Variants in CD3D observed in about 807,000 individuals in gnomAD.
The protein encoded by CD3D is CD3 delta subunit of T-cell receptor complex, also known as T-cell surface glycoprotein CD3 delta chain.
A neutral mutation model predicts 22.0 loss-of-function variants in CD3D; 22 were observed. That is an observed-to-expected ratio of 1.00 (90% CI 0.71 to 1.43). The LOEUF (loss-of-function observed/expected upper bound fraction) is 1.43, where lower values mean the gene tolerates loss of function less well. CD3D is among the 40% of genes most tolerant of loss of function. The pLI is 0.00. For missense variants in CD3D, 205 were observed against 211.7 expected (o/e 0.97, Z 0.20); for synonymous variants, 74 against 81.2 (o/e 0.91, Z 0.48).
chr11:118,341,482 T>C (rs1948299588), intron 1 of CD3D, among the ~76,000 whole-genome samples: 1 of 152,184 alleles, frequency 6.6e-6, no homozygotes, highest in South Asian at 2.1e-4. Flanking sequence ...AAGTCCCAAA[T>C]TTGGATACAA....
Position 118,340,658 on chromosome 11 carries a change from C to T in CD3D, c.56-65G>A, listed in dbSNP as rs779383299. On this transcript the variant is annotated intron_variant, in intron 1 of 4. Transcript: ENST00000300692. ...GATCTGCACCAAGCCCTTTGTTCTG[C>T]GGAAGCTCATACTTAACAGAGACCA... is the stretch of plus-strand genomic sequence containing the variant. The T allele has an allele frequency of 1.4e-4, 161 of 1,164,742 alleles. 1 individual carries two copies. Among genetic ancestry groups the T allele is most frequent in the Non-Finnish European group, 1.7e-4 (136 of 786,528 alleles). 72.2% of individuals were successfully genotyped at this position (1,164,742 alleles called of 1,614,324 possible).
chr11:118,339,280 G>A, intron 4 of CD3D, 53 bp from the exon 5 acceptor site: 3 of 1,567,708 alleles, frequency 1.9e-6, no homozygotes, highest in East Asian at 4.5e-5. Flanking sequence ...ACTCTTCAAG[G>A]AAGGGCCCCA....
rs1188035132 is a variant in CD3D at position 118,340,444 on chromosome 11, C to T, written c.205G>A (p.Gly69Arg). 1.2e-6 allele frequency: 2 copies of T among 1,614,068 alleles called. No individual in the cohort carries two copies. Among genetic ancestry groups the T allele is most frequent in the East Asian group, 2.2e-5 (1 of 44,874 alleles). Residue 69 changes from glycine to arginine, a missense_variant, in exon 2 of 5, where the codon GGA (glycine) becomes AGA (arginine). Transcript: ENST00000300692. ...DLGKRILDPRGIYRCNGTDIY... is the reference protein window; with the variant it reads ...DLGKRILDPRRIYRCNGTDIY... ...TCTGTCCCATTACACCTATATATTCCTCGTGGGTCCAGGATGCGTTTTCCC... is the reference window on the plus strand; with the variant it reads ...TCTGTCCCATTACACCTATATATTCTTCGTGGGTCCAGGATGCGTTTTCCC...
chr11:118,340,722 G>C (rs1948293024), intron 1 of CD3D, 129 bp from the exon 2 acceptor site: 1 of 747,004 alleles, frequency 1.3e-6, no homozygotes, highest in Non-Finnish European at 2.4e-6. Flanking sequence ...TCCATCAAGA[G>C]AGACAGAAGT....
chr11:118,340,387 C>G lies in CD3D; in HGVS notation c.262G>C (p.Val88Leu). 6.2e-7 allele frequency: 1 copy of G among 1,613,752 alleles called. No individual in the cohort carries two copies. Among genetic ancestry groups the G allele is most frequent in the African/African-American group, 1.3e-5 (1 of 75,034 alleles). ...AGGAAGCACGTACTTCGATAATGAA[C>G]TTGCACGGTAGATTCTTTGTCCTTG... ...IYKDKESTVQ[V>L]HYRMCQSCVE... is the part of the protein sequence containing the mutation. The change falls in exon 2 of 5, where the codon GTT becomes CTT. Residue 88 changes from valine (V) to leucine (L), a missense_variant. Transcript: ENST00000300692.
At chr11:118,341,512 C>T (rs886701208) in intron 1 of CD3D, among the ~76,000 whole-genome samples, 5 of 152,198 alleles carry the variant, frequency 3.3e-5, no homozygotes, top group African/African-American at 1.2e-4. Context: ...CTAGAAAACC[C>T]TGAAACAGCT....
chr11:118,340,619 G>A, intron 1 of CD3D, 26 bp from the exon 2 acceptor site: 2 of 1,509,540 alleles, frequency 1.3e-6, no homozygotes, highest in Non-Finnish European at 1.8e-6. Context: ...TATCACAGTT[G>A]GAGACAGCTC....
Position 118,342,615 on chromosome 11 carries a change from C to T in CD3D, c.-8G>A, listed in dbSNP as rs201539938. 117 of 1,612,962 alleles carry T rather than the reference C, an allele frequency of 7.3e-5. No individual in the cohort carries two copies. The highest frequency in any genetic ancestry group is 9.0e-5 in the Non-Finnish European group (106 of 1,179,240). On this transcript the variant is annotated 5_prime_UTR_variant, in exon 1 of 5. Coordinates refer to ENST00000300692, the MANE Select transcript of CD3D (RefSeq NM_000732.6). ...AAACGTGCTATGTTCCATCTCCCAG[C>T]GGAACTCATCCAGTAGATAAAGCCA...
In CD3D at chr11:118,340,855, G is replaced by A. The variant is rs567861720; in HGVS notation, c.56-262C>T. 1.9e-5 allele frequency: 12 copies of A among 638,484 alleles called. No individual in the cohort carries two copies. The East Asian group carries it at 1.9e-4, about 10-fold the overall frequency. 39.6% of individuals were successfully genotyped at this position (638,484 alleles called of 1,614,324 possible). ...TGCAAAAGAGGACCCCTCAGAGCAG[G>A]ATTGACCCAAGCACCTTCCTGGAAA... On this transcript the variant is annotated intron_variant, in intron 1 of 4. Coordinates refer to ENST00000300692, the MANE Select transcript of CD3D (RefSeq NM_000732.6).
intron 4 of CD3D, 69 bp from the exon 5 acceptor site, chr11:118,339,296 C>T: frequency 6.5e-7 from 1 of 1,536,008 alleles, no homozygotes; most frequent in Admixed American, 1.7e-5. Flanking sequence ...CCCCAGCAGG[C>T]CCTGACGATG....
chr11:118,340,405 T>C lies in CD3D; in HGVS notation c.244A>G (p.Lys82Glu), dbSNP rs1555119773. 3 of 1,614,094 alleles carry C rather than the reference T, an allele frequency of 1.9e-6. No homozygotes were observed. Among genetic ancestry groups the C allele is most frequent in the Non-Finnish European group, 1.7e-6 (2 of 1,179,942 alleles). ...TAATGAACTTGCACGGTAGATTCTT[T>C]GTCCTTGTATATATCTGTCCCATTA... ...RCNGTDIYKD[K>E]ESTVQVHYRM... Residue 82 changes from lysine to glutamate, a missense_variant, in exon 2 of 5, where the codon AAA (lysine) becomes GAA (glutamate). By Grantham distance (56) the Lys-to-Glu change is moderately conservative. Transcript: ENST00000300692.
chr11:118,340,289 G>A (rs565301242), intron 2 of CD3D, 86 bp downstream of exon 2: 1 of 1,039,900 alleles, frequency 9.6e-7, no homozygotes, highest in East Asian at 2.4e-5. Flanking sequence ...AGAACAGATG[G>A]GTTCACCATA....
At chr11:118,339,999 G>T in intron 2 of CD3D, 93 bp from the exon 3 acceptor site, 1 of 1,496,260 alleles carries the variant, frequency 6.7e-7, no homozygotes, top group Non-Finnish European at 9.3e-7. Context: ...GATCTCTTAT[G>T]CCAAAACCCA....
chr11:118,339,525 C>T, intron 3 of CD3D, 31 bp from the exon 4 acceptor site: 1 of 1,613,814 alleles, frequency 6.2e-7, no homozygotes, highest in Non-Finnish European at 8.5e-7. Context: ...CATCAATGGC[C>T]TAGCAGATGG....
At chr11:118,341,093 A>G (rs1244619778) in intron 1 of CD3D, among the ~76,000 whole-genome samples, 1 of 152,230 alleles carries the variant, frequency 6.6e-6, no homozygotes, top group Non-Finnish European at 1.5e-5. Flanking sequence ...GACAACCAAG[A>G]AAGCGGGGCT....
intron 3 of CD3D, 40 bp from the exon 4 acceptor site, chr11:118,339,534 G>A (rs773449875): frequency 1.1e-5 from 18 of 1,612,432 alleles, no homozygotes; most frequent in Admixed American, 1.0e-4. Flanking sequence ...CCTAGCAGAT[G>A]GGACTGTGAG....
downstream of CD3D, chr11:118,339,067 G>A: frequency 8.8e-7 from 1 of 1,142,012 alleles, no homozygotes; most frequent in South Asian, 1.2e-5. Context: ...AGAAGCCCAG[G>A]CACCTGCTGA....
chr11:118,339,731 CACACACACACAA>C lies in CD3D; in HGVS notation c.406+32_406+43del, dbSNP rs751905630. ...TGGTACACACACACACACACACACA[CACACACACACAA>C]ACACACTCTCATGCTCTGCTCTTCC... On this transcript the variant is annotated intron_variant, in intron 3 of 4. Transcript: ENST00000300692. 3.4e-5 allele frequency: 55 copies of C among 1,612,276 alleles called. No homozygotes were observed. In the African/African-American group the frequency reaches 5.9e-4, roughly 17 times the overall value.
chr11:118,340,647 C>G, intron 1 of CD3D, 54 bp from the exon 2 acceptor site: 1 of 1,294,850 alleles, frequency 7.7e-7, no homozygotes, highest in Non-Finnish European at 1.1e-6. Context: ...TGCACCAAGC[C>G]CTTTGTTCTG....
Sources: gnomAD v4.1 joint callset for allele counts (sites outside exome capture counted in the v4.1 genomes callset) on GRCh38, gnomAD v4.1.1 for gene constraint, MANE v1.5 for transcripts, NCBI Gene and HGNC (gene_info 2026-07-23, HGNC 2026-07-21) for gene names.